AOX1: variants seen among roughly 807,000 people sequenced by gnomAD.
AOX1 encodes aldehyde oxidase 1.
A neutral mutation model predicts 169.5 loss-of-function variants in AOX1; 153 were observed. The ratio of observed to expected loss-of-function variants is 0.90; its 90% CI spans 0.79 to 1.03. The LOEUF (loss-of-function observed/expected upper bound fraction) is 1.03, where lower values mean the gene tolerates loss of function less well. Ranked by LOEUF, AOX1 falls within the 50% of genes least tolerant of loss-of-function variation. AOX1 has a pLI of 0.00. For missense variants in AOX1, 1,656 were observed against 1,663.9 expected (o/e 1.00, Z 0.08); for synonymous variants, 562 against 581.9 (o/e 0.97, Z 0.49).
intron 31 of AOX1, among the ~76,000 whole-genome samples, chr2:200,664,842 C>G (rs2035896738): frequency 6.6e-6 from 1 of 152,224 alleles, no homozygotes; most frequent in African/African-American, 2.4e-5. Context: ...TACCCCCAAA[C>G]TTAGTGCTGA....
chr2:200,632,757 T>C (rs1574938439), intron 20 of AOX1, among the ~76,000 whole-genome samples: 1 of 152,330 alleles, frequency 6.6e-6, no homozygotes, highest in East Asian at 1.9e-4. Flanking sequence ...CCTTTCATTG[T>C]TGAAAGATAT....
At chr2:200,630,548 G>GGAAGGAAGGA (rs2035098518) in intron 20 of AOX1, among the ~76,000 whole-genome samples, 1 of 120,556 alleles carries the variant, frequency 8.3e-6, no homozygotes, top group Non-Finnish European at 1.7e-5. Context: ...GGAAGGAAGG[G>GGAAGGAAGGA]AGGAAGGAAG....
At chr2:200,632,668 T>C (rs1022169050) in intron 20 of AOX1, among the ~76,000 whole-genome samples, 25 of 152,104 alleles carry the variant, frequency 1.6e-4, no homozygotes, top group African/African-American at 5.8e-4. Flanking sequence ...TTTTAAAAAC[T>C]TCCCTCAGCC....
At chr2:200,615,050 C>T (rs186164473) in intron 15 of AOX1, among the ~76,000 whole-genome samples, 37 of 151,902 alleles carry the variant, frequency 2.4e-4, no homozygotes, top group African/African-American at 8.9e-4. Context: ...GTCACCCATG[C>T]TGGAATACAG....
At chr2:200,624,202 G>A (rs1455041470) in intron 19 of AOX1, among the ~76,000 whole-genome samples, 1 of 152,110 alleles carries the variant, frequency 6.6e-6, no homozygotes, top group Non-Finnish European at 1.5e-5. Context: ...CTCAATTCCT[G>A]TGGTCACACA....
At chr2:200,599,781 T>G in intron 5 of AOX1, 35 bp downstream of exon 5, 1 of 1,336,112 alleles carries the variant, frequency 7.5e-7, no homozygotes, top group Non-Finnish European at 9.7e-7. Context: ...TTTTTTAATT[T>G]TTATTTATTT....
intron 24 of AOX1, 86 bp from the exon 25 acceptor site, chr2:200,642,524 A>G (rs962814910): frequency 2.7e-6 from 3 of 1,122,740 alleles, no homozygotes; most frequent in Non-Finnish European, 2.6e-6. Flanking sequence ...GAGAGCTGCC[A>G]TTTTCGGCCT....
Position 200,631,807 on chromosome 2 carries a change from G to A in AOX1, c.2222-2984G>A, listed in dbSNP as rs190334452. ...TAACAAAATAAATTCTGAGTGGATA[G>A]GCAGAATCAATAATACTGCAAGCTT... is the stretch of plus-strand genomic sequence containing the variant. On this transcript the variant is annotated intron_variant, in intron 20 of 34. Transcript: ENST00000374700. Among the ~76,000 whole-genome samples the A allele has an allele frequency of 4.6e-5, 7 of 152,256 alleles. No individual in the cohort carries two copies. The East Asian group carries it at 1.3e-3, about 29-fold the overall frequency.
intron 26 of AOX1, among the ~76,000 whole-genome samples, chr2:200,655,656 C>T (rs1182473325): frequency 6.6e-6 from 1 of 152,118 alleles, no homozygotes. Context: ...AAATGGAGTG[C>T]ATTTTCACTG....
chr2:200,603,450 T>TC, intron 7 of AOX1, 94 bp downstream of exon 7: 3 of 900,054 alleles, frequency 3.3e-6, no homozygotes, highest in Non-Finnish European at 5.3e-6. Context: ...CCAAGTTGAC[T>TC]AACTTGAGGT....
the AOX1 span, among the ~76,000 whole-genome samples, chr2:200,682,129 C>T: frequency 1.3e-5 from 2 of 152,102 alleles, no homozygotes; most frequent in African/African-American, 2.4e-5. Flanking sequence ...GATTAAATTT[C>T]ACATATGCAT....
rs542385706 is a variant in AOX1 at position 200,587,491 on chromosome 2, C to G, written c.45+1338C>G. 3.3e-5 allele frequency among the ~76,000 whole-genome samples: 5 copies of G among 152,274 alleles called. No individual in the cohort carries two copies. The East Asian group carries it at 9.7e-4, about 29-fold the overall frequency. Reference sequence around the variant, plus strand: ...GAAGCACCAGGCCCTAGTTGTGAGGCCTGTTCTAAGACCCTGAGCCTAATT... The same window carrying G: ...GAAGCACCAGGCCCTAGTTGTGAGGGCTGTTCTAAGACCCTGAGCCTAATT... On this transcript the variant is annotated intron_variant, in intron 1 of 34. Transcript: ENST00000374700.
chr2:200,589,873 T>C (rs536185900), intron 1 of AOX1, among the ~76,000 whole-genome samples: 1 of 152,200 alleles, frequency 6.6e-6, no homozygotes, highest in Non-Finnish European at 1.5e-5. Flanking sequence ...AGGAAATTTC[T>C]GGGCTTCTGG....
chr2:200,638,334 A>G, intron 23 of AOX1, 32 bp downstream of exon 23: 1 of 1,592,288 alleles, frequency 6.3e-7, no homozygotes, highest in Non-Finnish European at 8.6e-7. Flanking sequence ...GGAAGGATTT[A>G]TGTTGTAGAT....
At chr2:200,663,325 AT>A (rs1222341206) in intron 31 of AOX1, among the ~76,000 whole-genome samples, 1 of 152,114 alleles carries the variant, frequency 6.6e-6, no homozygotes, top group African/African-American at 2.4e-5. Flanking sequence ...TTCTTGAAGG[AT>A]TTCATAGACA....
chr2:200,675,644 A>G (rs1302673229), downstream of AOX1, among the ~76,000 whole-genome samples: 1 of 152,212 alleles, frequency 6.6e-6, no homozygotes, highest in African/African-American at 2.4e-5. Context: ...TCATGGCAGC[A>G]TTATTTATAA....
intron 10 of AOX1, among the ~76,000 whole-genome samples, chr2:200,607,303 G>T (rs187133338): frequency 1.5e-4 from 23 of 152,100 alleles, no homozygotes; most frequent in African/African-American, 5.6e-4. Context: ...TGCATATATT[G>T]AACCAGCCTT....
chr2:200,635,935 C>T (rs899959228), intron 21 of AOX1, among the ~76,000 whole-genome samples: 1 of 152,050 alleles, frequency 6.6e-6, no homozygotes, highest in African/African-American at 2.4e-5. Flanking sequence ...CTGCTTTTCT[C>T]TTCACTCTCC....
chr2:200,672,593 T>C (rs1352227189), downstream of AOX1, among the ~76,000 whole-genome samples: 1 of 152,194 alleles, frequency 6.6e-6, no homozygotes, highest in East Asian at 1.9e-4. Context: ...GCAAACAAAA[T>C]AGACAGAGAT....
Sources: gnomAD v4.1 joint callset for allele counts (sites outside exome capture counted in the v4.1 genomes callset) on GRCh38, gnomAD v4.1.1 for gene constraint, MANE v1.5 for transcripts, NCBI Gene and HGNC (gene_info 2026-07-23, HGNC 2026-07-21) for gene names.